TRAK1: variants seen among roughly 807,000 people sequenced by gnomAD.
TRAK1 encodes trafficking kinesin protein 1.
TRAK1 carries 33 observed loss-of-function variants against 92.1 expected under a neutral mutation model. That is an observed-to-expected ratio of 0.36 (90% CI 0.27 to 0.48). The LOEUF is 0.48. TRAK1 is among the 20% of genes least tolerant of loss of function. The pLI is 0.99. For synonymous variants in TRAK1, 521 were observed against 517.3 expected (o/e 1.01, Z -0.10); for missense variants, 1,123 against 1,257.9 (o/e 0.89, Z 1.62).
intron 13 of TRAK1, chr3:42,203,183 A>G (rs1466057958): frequency 1.8e-6 from 2 of 1,142,666 alleles, no homozygotes; most frequent in Non-Finnish European, 2.1e-6. Context: ...GGTTCCAAGC[A>G]AACTCTATTA....
At chr3:42,014,759 T>G (rs1701449765) in intron 1 of TRAK1, among the ~76,000 whole-genome samples, 1 of 151,974 alleles carries the variant, frequency 6.6e-6, no homozygotes, top group Non-Finnish European at 1.5e-5. Flanking sequence ...ACACTGAAAT[T>G]AGCGTCCGCT....
In TRAK1 at chr3:42,199,258, G is replaced by A. The variant is rs770684926; in HGVS notation, c.1190+5G>A. ...GGCCGAGTCTCCAGACATCACGTAC[G>A]GCCACAGTTTTTACAGTTTTGAGAT... On this transcript the variant is annotated splice_donor_5th_base_variant and intron_variant, in intron 11 of 15. Coordinates refer to ENST00000327628, the MANE Select transcript of TRAK1 (RefSeq NM_001042646.3). 6.2e-6 allele frequency: 10 copies of A among 1,613,942 alleles called. No homozygotes were observed. Among genetic ancestry groups the A allele is most frequent in the Admixed American group, 3.3e-5 (2 of 60,018 alleles).
chr3:42,041,785 G>GTTTTTTTT (rs530723218), intron 1 of TRAK1, among the ~76,000 whole-genome samples: 16 of 133,816 alleles, frequency 1.2e-4, no homozygotes, highest in Non-Finnish European at 1.2e-4. Flanking sequence ...TATTTCTATT[G>GTTTTTTTT]TTTTTTTTTT....
chr3:42,082,373 T>G (rs1290510661), upstream of TRAK1, among the ~76,000 whole-genome samples: 1 of 152,088 alleles, frequency 6.6e-6, no homozygotes, highest in East Asian at 1.9e-4. Flanking sequence ...CTGAGGTGGG[T>G]GGATCACTTG....
intron 3 of TRAK1, among the ~76,000 whole-genome samples, chr3:42,178,391 C>T (rs1703504138): frequency 6.6e-6 from 1 of 152,118 alleles, no homozygotes; most frequent in African/African-American, 2.4e-5. Context: ...CCTTCACTGT[C>T]ACTGGGGACA....
intron 1 of TRAK1, among the ~76,000 whole-genome samples, chr3:42,076,005 G>A (rs573374222): frequency 1.3e-3 from 195 of 151,664 alleles, no homozygotes; most frequent in Non-Finnish European, 2.5e-3. Context: ...ACCACACCCA[G>A]CTAATTTTTT....
At chr3:42,173,258 T>C (rs1381298469) in intron 2 of TRAK1, among the ~76,000 whole-genome samples, 1 of 152,234 alleles carries the variant, frequency 6.6e-6, no homozygotes, top group Non-Finnish European at 1.5e-5. Flanking sequence ...GTAGCACTCC[T>C]TGGGTCAGAA....
chr3:42,058,559 G>T (rs1371864557), intron 1 of TRAK1, among the ~76,000 whole-genome samples: 1 of 152,098 alleles, frequency 6.6e-6, no homozygotes, highest in African/African-American at 2.4e-5. Context: ...GGCTGGTCTG[G>T]TCTTGAACAC....
chr3:42,189,033 C>T lies in TRAK1; in HGVS notation c.599C>T (p.Ser200Leu), dbSNP rs766246712. 8 of 1,613,192 alleles carry T rather than the reference C, an allele frequency of 5.0e-6. No individual in the cohort carries two copies. Among genetic ancestry groups the T allele is most frequent in the East Asian group, 4.5e-5 (2 of 44,870 alleles). ...TCCCCCAGGTTGAAGAGGAATGAGT[C>T]GTCCTCCTCAGTCCAGAATTACTTT... ...VCSTPLKRNESSSSVQNYFHL... is the reference protein window; with the variant it reads ...VCSTPLKRNELSSSVQNYFHL... Residue 200 changes from serine to leucine, a missense_variant, in exon 6 of 16, where the codon TCG becomes TTG. By Grantham distance (145) the Ser-to-Leu change is moderately radical. Coordinates refer to ENST00000327628, the MANE Select transcript of TRAK1 (RefSeq NM_001042646.3).
chr3:42,206,883 A>G (rs1459430939), intron 13 of TRAK1, among the ~76,000 whole-genome samples: 1 of 152,054 alleles, frequency 6.6e-6, no homozygotes, highest in African/African-American at 2.4e-5. Flanking sequence ...CATCCTTGGG[A>G]GCGGGTGAGG....
intron 1 of TRAK1, among the ~76,000 whole-genome samples, chr3:42,120,124 A>G (rs552664023): frequency 6.6e-6 from 1 of 152,304 alleles, no homozygotes; most frequent in South Asian, 2.1e-4. Flanking sequence ...ACCATGGGGC[A>G]TTACAGTAAC....
chr3:42,036,333 AG>A (rs1405293289), intron 1 of TRAK1, among the ~76,000 whole-genome samples: 3 of 152,224 alleles, frequency 2.0e-5, no homozygotes, highest in Non-Finnish European at 4.4e-5. Context: ...GGTACATAGT[AG>A]GTACTCAGTA....
At chr3:42,183,936 T>C (rs1410776863) in intron 3 of TRAK1, among the ~76,000 whole-genome samples, 1 of 152,228 alleles carries the variant, frequency 6.6e-6, no homozygotes. Context: ...AATTTTCCTC[T>C]GTATACTGGC....
At chr3:42,107,643 T>G (rs1707774965) in intron 1 of TRAK1, among the ~76,000 whole-genome samples, 1 of 152,082 alleles carries the variant, frequency 6.6e-6, no homozygotes, top group Admixed American at 6.6e-5. Flanking sequence ...GATTATTCTA[T>G]TTTTGCTGTG....
At chr3:42,180,216 A>G (rs1407435932) in intron 3 of TRAK1, among the ~76,000 whole-genome samples, 2 of 152,204 alleles carry the variant, frequency 1.3e-5, no homozygotes, top group African/African-American at 2.4e-5. Flanking sequence ...CATTTTATCT[A>G]TAAATATTTT....
chr3:42,146,012 A>G, intron 2 of TRAK1: 1 of 378,270 alleles, frequency 2.6e-6, no homozygotes. Flanking sequence ...TGTTCTCTGA[A>G]GAACTCTTAA....
At chr3:42,021,605 C>T (rs1329701630) in intron 1 of TRAK1, among the ~76,000 whole-genome samples, 1 of 152,118 alleles carries the variant, frequency 6.6e-6, no homozygotes, top group African/African-American at 2.4e-5. Flanking sequence ...GAAATGGAGT[C>T]TCACTCTGTT....
chr3:42,097,427 T>C (rs1054318116), intron 1 of TRAK1, among the ~76,000 whole-genome samples: 6 of 152,168 alleles, frequency 3.9e-5, no homozygotes, highest in Admixed American at 2.6e-4. Flanking sequence ...GGGCGCTCAC[T>C]GTCTGCACCC....
chr3:42,099,392 A>T (rs1706409672), intron 1 of TRAK1, among the ~76,000 whole-genome samples: 1 of 152,186 alleles, frequency 6.6e-6, no homozygotes, highest in Non-Finnish European at 1.5e-5. Context: ...GGATGCTGGC[A>T]CCAACTCCAG....
Sources: gnomAD v4.1 joint callset for allele counts (sites outside exome capture counted in the v4.1 genomes callset) on GRCh38, gnomAD v4.1.1 for gene constraint, MANE v1.5 for transcripts, NCBI Gene and HGNC (gene_info 2026-07-23, HGNC 2026-07-21) for gene names.